Variants in SVIL observed in about 807,000 individuals in gnomAD.
The protein encoded by SVIL is archvillin.
Under a neutral mutation model 240.4 loss-of-function variants are expected in SVIL, and 101 were observed. The ratio of observed to expected loss-of-function variants is 0.42; its 90% CI spans 0.36 to 0.50. The LOEUF (loss-of-function observed/expected upper bound fraction) is 0.50, where lower values mean the gene tolerates loss of function less well. SVIL is among the 20% of genes least tolerant of loss of function. The pLI, the probability that SVIL is intolerant of heterozygous loss-of-function variation, is 0.01. For missense variants in SVIL, 2,512 were observed against 2,818.7 expected (o/e 0.89, Z 2.46); for synonymous variants, 999 against 1,100.0 (o/e 0.91, Z 1.82).
chr10:29,667,175 T>A (rs1296485159), intron 2 of SVIL, among the ~76,000 whole-genome samples: 1 of 152,172 alleles, frequency 6.6e-6, no homozygotes, highest in Non-Finnish European at 1.5e-5. Flanking sequence ...TATGTTTCCA[T>A]AAAAATCTGC....
intron 6 of SVIL, among the ~76,000 whole-genome samples, chr10:29,549,996 C>A (rs1457427183): frequency 5.1e-5 from 5 of 97,144 alleles, no homozygotes; most frequent in Admixed American, 1.4e-4. Context: ...ACATTGTGCA[C>A]ATGTACCCTA....
At chr10:29,679,238 G>A (rs185989385) in intron 2 of SVIL, among the ~76,000 whole-genome samples, 182 of 152,172 alleles carry the variant, frequency 1.2e-3, no homozygotes, top group African/African-American at 4.2e-3. Flanking sequence ...AAAAACACCT[G>A]GGTTTAGAGC....
chr10:29,612,104 C>T (rs180822547), intron 1 of SVIL, among the ~76,000 whole-genome samples: 40 of 152,036 alleles, frequency 2.6e-4, no homozygotes, highest in African/African-American at 8.5e-4. Flanking sequence ...AAAAAAAAAT[C>T]GATCCTCAGC....
intron 17 of SVIL, among the ~76,000 whole-genome samples, chr10:29,511,327 C>T (rs1424880520): frequency 5.0e-5 from 7 of 138,998 alleles, no homozygotes; most frequent in Admixed American, 2.2e-4. Flanking sequence ...TCTTTTGCTT[C>T]GTGCTTTTTG....
intron 1 of SVIL, among the ~76,000 whole-genome samples, chr10:29,588,421 T>C (rs370682605): frequency 0.011 from 1,601 of 149,724 alleles, 36 homozygotes; most frequent in African/African-American, 0.038. Context: ...TGCAGTTTCT[T>C]GGACACCCAG....
chr10:29,523,637 A>AT lies in SVIL; in HGVS notation c.2976dup (p.Tyr993IlefsTer22). 1.9e-6 allele frequency: 3 copies of AT among 1,614,098 alleles called. No homozygotes were observed. The highest frequency in any genetic ancestry group is 2.5e-6 in the Non-Finnish European group (3 of 1,179,992). ...AGGCTTCCTCTTCTGGGAACAGCAT[A>AT]TTTAGATTCCTTATGGCTGTCTCCT... On this transcript the variant is annotated frameshift_variant, in exon 15 of 38. Coordinates refer to ENST00000355867, the MANE Select transcript of SVIL (RefSeq NM_021738.3). LOFTEE classifies it high-confidence loss of function.
chr10:29,726,871 A>G (rs7477689), intron 1 of SVIL, among the ~76,000 whole-genome samples: 29,719 of 152,160 alleles, frequency 0.2, 4,204 homozygotes, highest in African/African-American at 0.39. Context: ...CCATCATGGC[A>G]TCCCCTCATG....
rs563203342 is a variant in SVIL at position 29,480,655 on chromosome 10, G to A, written c.5259C>T (p.Ser1753=). The change falls in exon 29 of 38, where the codon TCC becomes TCT. Residue 1753 remains serine, a synonymous_variant. Coordinates refer to ENST00000355867, the MANE Select transcript of SVIL (RefSeq NM_021738.3). ...ATTCCAGGATGTGCCAGACATCCAC[G>A]GAAACGCTGGTGATCTCAAACTGCC... ...DRRQFEITSV[S]VDVWHILEFD... 1.1e-5 allele frequency: 18 copies of A among 1,614,202 alleles called. No individual in the cohort carries two copies. In the East Asian group the frequency reaches 2.5e-4, roughly 22 times the overall value.
At chr10:29,726,212 G>C (rs1964281422) in intron 1 of SVIL, among the ~76,000 whole-genome samples, 1 of 152,070 alleles carries the variant, frequency 6.6e-6, no homozygotes, top group Non-Finnish European at 1.5e-5. Flanking sequence ...ATGCACCACT[G>C]CACCTGGCCC....
chr10:29,643,368 C>A (rs752076598), intron 3 of SVIL, among the ~76,000 whole-genome samples: 1 of 152,114 alleles, frequency 6.6e-6, no homozygotes, highest in Non-Finnish European at 1.5e-5. Flanking sequence ...GCTAGGCAAC[C>A]AGGACCTGTA....
chr10:29,704,711 C>T (rs1418443893), intron 1 of SVIL, among the ~76,000 whole-genome samples: 1 of 152,126 alleles, frequency 6.6e-6, no homozygotes, highest in Non-Finnish European at 1.5e-5. Context: ...ATTGGTGAAA[C>T]TGAATTCTAC....
intron 1 of SVIL, among the ~76,000 whole-genome samples, chr10:29,570,573 T>TGG (rs1441777675): frequency 6.6e-6 from 1 of 152,202 alleles, no homozygotes; most frequent in African/African-American, 2.4e-5. Flanking sequence ...CTGTCTCACA[T>TGG]GAAGAGTTAA....
At chr10:29,653,781 A>G (rs1658983444) in intron 3 of SVIL, among the ~76,000 whole-genome samples, 1 of 152,122 alleles carries the variant, frequency 6.6e-6, no homozygotes, top group African/African-American at 2.4e-5. Flanking sequence ...CCCCAGTACA[A>G]TTTGTTGAAG....
At chr10:29,715,596 A>G (rs568501046) in intron 1 of SVIL, among the ~76,000 whole-genome samples, 1 of 152,296 alleles carries the variant, frequency 6.6e-6, no homozygotes, top group Admixed American at 6.5e-5. Flanking sequence ...ATTACATCCC[A>G]CAGACTGTCC....
chr10:29,465,665 A>G lies in SVIL; in HGVS notation c.6063T>C (p.Pro2021=). The G allele has an allele frequency of 6.2e-7, 1 of 1,613,754 alleles. No homozygotes were observed. Among genetic ancestry groups the G allele is most frequent in the South Asian group, 1.1e-5 (1 of 91,070 alleles). ...GDFAATEFVY[P]ARAPSVVSSM... is the part of the protein sequence containing the mutation. ...AACTGACCACAGAGGGGGCTCGGGCAGGGTACACAAACTCTGTGGCTGCAA... is the reference window on the plus strand; with the variant it reads ...AACTGACCACAGAGGGGGCTCGGGCGGGGTACACAAACTCTGTGGCTGCAA... The change falls in exon 34 of 38, where the codon CCT becomes CCC. Residue 2021 remains proline, a synonymous_variant. Transcript: ENST00000355867.
chr10:29,717,687 A>G (rs943683865), intron 1 of SVIL, among the ~76,000 whole-genome samples: 1 of 152,232 alleles, frequency 6.6e-6, no homozygotes, highest in African/African-American at 2.4e-5. Flanking sequence ...TTTGTTTCAA[A>G]AAGTCAAATT....
intron 1 of SVIL, among the ~76,000 whole-genome samples, chr10:29,592,457 G>T (rs1956427747): frequency 6.6e-6 from 1 of 152,158 alleles, no homozygotes; most frequent in Non-Finnish European, 1.5e-5. Flanking sequence ...ATACATGTTG[G>T]TTTCTCATTT....
chr10:29,625,248 G>C (rs779564471), intron 1 of SVIL, among the ~76,000 whole-genome samples: 12 of 152,124 alleles, frequency 7.9e-5, no homozygotes, highest in Non-Finnish European at 1.8e-4. Flanking sequence ...GTTTAATAAA[G>C]TTCTGAGACA....
chr10:29,518,047 T>C (rs944422835), intron 16 of SVIL, among the ~76,000 whole-genome samples: 1 of 152,216 alleles, frequency 6.6e-6, no homozygotes, highest in Non-Finnish European at 1.5e-5. Flanking sequence ...AGTTTTTTGC[T>C]GGTTATGGTT....
Sources: allele counts gnomAD v4.1 joint callset (sites outside exome capture counted in the v4.1 genomes callset), GRCh38; gene constraint gnomAD v4.1.1; transcripts MANE v1.5; gene names NCBI Gene and HGNC (gene_info 2026-07-23, HGNC 2026-07-21).